The following FBP2 variants were observed in gnomAD, a reference collection of about 807,000 sequenced individuals.
FBP2 encodes the protein fructose-bisphosphatase 2.
FBP2 carries 27 observed loss-of-function variants against 31.6 expected under a neutral mutation model. The ratio of observed to expected loss-of-function variants is 0.85; its 90% CI spans 0.63 to 1.18. The LOEUF (loss-of-function observed/expected upper bound fraction) is 1.18, where lower values mean the gene tolerates loss of function less well. FBP2 is among the 50% of genes most tolerant of loss of function. FBP2 has a pLI of 0.00. For synonymous variants in FBP2, 168 were observed against 179.8 expected (o/e 0.93, Z 0.53); for missense variants, 421 against 436.1 (o/e 0.97, Z 0.31).
At chr9:94,567,185 C>G in intron 5 of FBP2, 85 bp downstream of exon 5, 1 of 1,423,086 alleles carries the variant, frequency 7.0e-7, no homozygotes, top group Non-Finnish European at 9.8e-7. Flanking sequence ...CAACCTCTTT[C>G]AGCAAAGCCC....
chr9:94,563,108 G>C (rs533027526), intron 6 of FBP2, among the ~76,000 whole-genome samples: 59 of 152,282 alleles, frequency 3.9e-4, no homozygotes, highest in African/African-American at 1.3e-3. Context: ...GAGGCTGGAG[G>C]GGGTAAGACC....
chr9:94,559,428 A>C (rs994303343), intron 6 of FBP2, among the ~76,000 whole-genome samples: 1 of 152,144 alleles, frequency 6.6e-6, no homozygotes, highest in Non-Finnish European at 1.5e-5. Context: ...TGGAAATATG[A>C]GATCTAGGCA....
At chr9:94,589,075 C>A (rs2131461092) in intron 1 of FBP2, among the ~76,000 whole-genome samples, 1 of 152,332 alleles carries the variant, frequency 6.6e-6, no homozygotes, top group Middle Eastern at 3.4e-3. Flanking sequence ...GCATTTTCTC[C>A]TCTGCCCTGA....
Position 94,567,415 on chromosome 9 carries a change from C to G in FBP2, c.568-8G>C, listed in dbSNP as rs2131446718. 6.2e-7 allele frequency: 1 copy of G among 1,613,316 alleles called. No homozygotes were observed. The highest frequency in any genetic ancestry group is 1.1e-5 in the South Asian group (1 of 91,018). On this transcript the variant is annotated splice_polypyrimidine_tract_variant and splice_region_variant and intron_variant, in intron 4 of 6. Transcript: ENST00000375337. ...GACAAATTCACCAAGAGCCTAGCAA[C>G]ATGAAGAGAGATGCCAGGAAGAAGA...
intron 4 of FBP2, chr9:94,567,688 T>G (rs1457700999): frequency 5.5e-6 from 2 of 364,074 alleles, no homozygotes; most frequent in Non-Finnish European, 1.0e-5. Context: ...CATCTTCCAC[T>G]GTCAGTGAGG....
intron 1 of FBP2, among the ~76,000 whole-genome samples, chr9:94,589,032 C>G (rs1272695591): frequency 1.3e-5 from 2 of 152,242 alleles, no homozygotes; most frequent in Non-Finnish European, 2.9e-5. Flanking sequence ...CTGTTTGGAG[C>G]AGCATTCCCT....
intron 3 of FBP2, among the ~76,000 whole-genome samples, chr9:94,573,558 T>A (rs186823119): frequency 6.6e-6 from 1 of 152,214 alleles, no homozygotes; most frequent in Non-Finnish European, 1.5e-5. Context: ...TTTGTTCAAA[T>A]GTTTTTTCTC....
At chr9:94,580,582 C>T (rs994734933) in intron 3 of FBP2, among the ~76,000 whole-genome samples, 4 of 152,188 alleles carry the variant, frequency 2.6e-5, no homozygotes, top group Non-Finnish European at 5.9e-5. Flanking sequence ...TTAACAATGA[C>T]CTACAGTTCT....
intron 3 of FBP2, among the ~76,000 whole-genome samples, chr9:94,574,659 T>C (rs1827299540): frequency 1.3e-5 from 2 of 152,166 alleles, no homozygotes; most frequent in African/African-American, 4.8e-5. Flanking sequence ...ATTCCATATG[T>C]TTTCTTCTCT....
intron 4 of FBP2, chr9:94,570,583 A>C (rs2131450166): frequency 6.6e-6 from 1 of 152,294 alleles, no homozygotes; most frequent in African/African-American, 2.4e-5. Flanking sequence ...TTATTGTCTG[A>C]GGGTAATATT....
chr9:94,587,295 C>A lies in FBP2; in HGVS notation c.333+12G>T, dbSNP rs768371245. On this transcript the variant is annotated intron_variant, in intron 2 of 6. Coordinates refer to ENST00000375337, the MANE Select transcript of FBP2 (RefSeq NM_003837.4). ...TCTACTGGCGAGCGGGCACCGCAGC[C>A]CCATGACGCACCCGCTTCTCCTTGG... 9.3e-6 allele frequency: 15 copies of A among 1,605,970 alleles called. No homozygotes were observed. The highest frequency in any genetic ancestry group is 1.2e-5 in the Non-Finnish European group (14 of 1,177,600).
intron 4 of FBP2, chr9:94,570,536 T>C (rs1827257240): frequency 6.6e-6 from 1 of 152,242 alleles, no homozygotes; most frequent in Admixed American, 6.5e-5. Flanking sequence ...TATCTAACTC[T>C]TAGCTGTTAT....
intron 1 of FBP2, among the ~76,000 whole-genome samples, chr9:94,589,492 TTCTG>T (rs1357027971): frequency 5.3e-5 from 8 of 152,186 alleles, no homozygotes; most frequent in Non-Finnish European, 8.8e-5. Context: ...GGATCCATCC[TTCTG>T]TCTGTTTCTG....
At chr9:94,574,067 T>A (rs1254152736) in intron 3 of FBP2, among the ~76,000 whole-genome samples, 1 of 152,220 alleles carries the variant, frequency 6.6e-6, no homozygotes, top group African/African-American at 2.4e-5. Context: ...TCATCTAAGT[T>A]GTCAAATGTA....
chr9:94,585,675 T>C (rs1587845305), intron 2 of FBP2, among the ~76,000 whole-genome samples: 2 of 152,186 alleles, frequency 1.3e-5, no homozygotes, highest in South Asian at 4.1e-4. Context: ...CAGGATGGAG[T>C]GCAGTGGTGT....
chr9:94,587,309 G>A lies in FBP2; in HGVS notation c.331C>T (p.Arg111Trp), dbSNP rs2280301. The A allele has an allele frequency of 2.6e-5, 42 of 1,609,234 alleles. No individual in the cohort carries two copies. In the African/African-American group the frequency reaches 3.4e-4, roughly 13 times the overall value. Residue 111 changes from arginine to tryptophan, a missense_variant and splice_region_variant, in exon 2 of 7, where the codon CGG becomes TGG. By Grantham distance (101) the Arg-to-Trp change is moderately radical. Transcript: ENST00000375337. ...GGCACCGCAGCCCCATGACGCACCC[G>A]CTTCTCCTTGGCGGTGATGATGGCG... ...KDAIITAKEK[R>W]GKYVVCFDPL... is the part of the protein sequence containing the mutation.
At chr9:94,571,659 TGCCA>T in intron 3 of FBP2, 57 bp from the exon 4 acceptor site, 3 of 1,498,060 alleles carry the variant, frequency 2.0e-6, no homozygotes, top group Non-Finnish European at 2.7e-6. Context: ...GAGAACACTT[TGCCA>T]GGGGCCTGGG....
At chr9:94,592,268 G>A (rs919653819) in intron 1 of FBP2, among the ~76,000 whole-genome samples, 9 of 152,182 alleles carry the variant, frequency 5.9e-5, no homozygotes, top group East Asian at 1.9e-4. Context: ...ATAATGCACC[G>A]TTAACCTGGG....
chr9:94,588,386 C>T (rs1174453362), intron 1 of FBP2, among the ~76,000 whole-genome samples: 1 of 152,064 alleles, frequency 6.6e-6, no homozygotes, highest in Non-Finnish European at 1.5e-5. Context: ...CTGTGGGAGG[C>T]CAAGGCGTGT....
Sources: allele counts gnomAD v4.1 joint callset (sites outside exome capture counted in the v4.1 genomes callset), GRCh38; gene constraint gnomAD v4.1.1; transcripts MANE v1.5; gene names NCBI Gene and HGNC (gene_info 2026-07-23, HGNC 2026-07-21).